Variants in R3HDM2 observed in about 807,000 individuals in gnomAD.
R3HDM2 encodes R3H domain containing 2.
Under a neutral mutation model 124.5 loss-of-function variants are expected in R3HDM2, and 38 were observed. The observed-to-expected ratio is 0.31, with a 90% confidence interval of 0.24 to 0.40. The LOEUF is 0.40. R3HDM2 is among the 10% of genes least tolerant of loss of function. R3HDM2 has a pLI of 1.00. For missense variants in R3HDM2, 869 were observed against 1,236.9 expected (o/e 0.70, Z 4.46); for synonymous variants, 391 against 448.0 (o/e 0.87, Z 1.61).
chr12:57,362,121 G>A (rs1451792754), intron 2 of R3HDM2, among the ~76,000 whole-genome samples: 1 of 152,064 alleles, frequency 6.6e-6, no homozygotes. Context: ...GACAGAATAA[G>A]ACCCTTTCTC....
chr12:57,399,876 G>A (rs190428654), intron 1 of R3HDM2, among the ~76,000 whole-genome samples: 12 of 152,258 alleles, frequency 7.9e-5, no homozygotes, highest in East Asian at 1.9e-4. Flanking sequence ...TGGGATGCCC[G>A]ATAAACTCAG....
chr12:57,273,834 C>T (rs2044109879), intron 14 of R3HDM2, among the ~76,000 whole-genome samples: 1 of 152,144 alleles, frequency 6.6e-6, no homozygotes, highest in Admixed American at 6.5e-5. Flanking sequence ...GAGTTTCTTT[C>T]ACAGAAGGGA....
intron 4 of R3HDM2, among the ~76,000 whole-genome samples, chr12:57,301,089 G>C (rs1566039726): frequency 6.6e-6 from 1 of 151,824 alleles, no homozygotes; most frequent in Non-Finnish European, 1.5e-5. Flanking sequence ...GGGCAACAGA[G>C]TGAGACCCTA....
At chr12:57,340,973 G>A (rs755647319) in intron 2 of R3HDM2, among the ~76,000 whole-genome samples, 12 of 151,548 alleles carry the variant, frequency 7.9e-5, no homozygotes, top group South Asian at 2.1e-4. Flanking sequence ...CTAAAGCTTC[G>A]CTTTAGCTAC....
At chr12:57,341,395 T>C in intron 2 of R3HDM2, 1 of 983,852 alleles carries the variant, frequency 1.0e-6, no homozygotes, top group Non-Finnish European at 1.2e-6. Context: ...CCGCTTCAGA[T>C]GGATTTTTCT....
rs566868060 is a variant in R3HDM2, at chr12:57,260,263, C to CAAAAAAAAAAAA, written c.2132-1216_2132-1205dup. Among the ~76,000 whole-genome samples, 47 of 31,562 alleles carry CAAAAAAAAAAAA rather than the reference C, an allele frequency of 1.5e-3. 9 individuals are homozygous for CAAAAAAAAAAAA. The highest frequency in any genetic ancestry group is 3.7e-3 in the African/African-American group (30 of 8,122). 20.7% of individuals were successfully genotyped at this position (31,562 alleles called of 152,430 possible). On this transcript the variant is annotated intron_variant, in intron 19 of 23. Coordinates refer to ENST00000402412, the MANE Select transcript of R3HDM2 (RefSeq NM_001394031.1). Reference sequence around the variant, plus strand: ...TGGGTGACAGAATGAGACCCTGCCTCAAAAAAAAAAAAAAAAAAAAAAGCC... The same window carrying CAAAAAAAAAAAA: ...TGGGTGACAGAATGAGACCCTGCCTCAAAAAAAAAAAAAAAAAAAAAAAAAAAAAAAAAAGCC...
chr12:57,277,353 GA>G (rs2045074526), intron 14 of R3HDM2, among the ~76,000 whole-genome samples: 1 of 152,102 alleles, frequency 6.6e-6, no homozygotes, highest in South Asian at 2.1e-4. Context: ...GCCAGGAAGG[GA>G]AAGATCATAG....
chr12:57,359,611 C>T (rs1018598012), intron 2 of R3HDM2, among the ~76,000 whole-genome samples: 7 of 152,072 alleles, frequency 4.6e-5, no homozygotes, highest in Non-Finnish European at 1.0e-4. Flanking sequence ...AGACAGCATG[C>T]GGCTGGGTCG....
In R3HDM2 at chr12:57,297,216, AGTAT is replaced by A. The variant is rs1428832766; in HGVS notation, c.560+108_560+111del. 6.5e-6 allele frequency: 4 copies of A among 612,086 alleles called. No individual in the cohort carries two copies. The African/African-American group carries it at 7.6e-5, about 12-fold the overall frequency. 37.9% of individuals were successfully genotyped at this position (612,086 alleles called of 1,614,324 possible). A position where few individuals can be genotyped will look rare whatever the true frequency, so the allele number is the denominator to read the frequency against. On this transcript the variant is annotated intron_variant, in intron 8 of 23. Transcript: ENST00000402412. ...ATCTACATAATAACTTAAAAACTTC[AGTAT>A]GTTTTCAAAAATCACACTTCAAGGG...
chr12:57,311,438 G>T (rs2053889862), intron 2 of R3HDM2, among the ~76,000 whole-genome samples: 1 of 151,986 alleles, frequency 6.6e-6, no homozygotes, highest in Non-Finnish European at 1.5e-5. Context: ...GTGTTAGCCA[G>T]GATGGTCTTG....
intron 2 of R3HDM2, among the ~76,000 whole-genome samples, chr12:57,364,984 C>T (rs1453509618): frequency 2.2e-5 from 3 of 135,858 alleles, no homozygotes; most frequent in Non-Finnish European, 4.7e-5. Flanking sequence ...GACACCAGGC[C>T]AGGTGCAGTT....
At chr12:57,257,839 C>G in intron 21 of R3HDM2, 151 bp downstream of exon 21, 1 of 800,380 alleles carries the variant, frequency 1.2e-6, no homozygotes, top group African/African-American at 1.7e-5. Context: ...GTGTCCAAGG[C>G]CTATACAGGG....
chr12:57,286,162 C>T (rs1235260415), intron 12 of R3HDM2, among the ~76,000 whole-genome samples: 1 of 152,216 alleles, frequency 6.6e-6, no homozygotes, highest in East Asian at 1.9e-4. Flanking sequence ...AAAGAGCAGT[C>T]ACACCTCATA....
intron 3 of R3HDM2, among the ~76,000 whole-genome samples, chr12:57,305,210 A>G (rs964389765): frequency 1.3e-5 from 2 of 152,092 alleles, no homozygotes; most frequent in African/African-American, 4.8e-5. Flanking sequence ...AAAAATAAAC[A>G]TATTATACAT....
At position 57,357,984 on chromosome 12, in the gene R3HDM2, CT is replaced by C. The variant is rs781730760; in HGVS notation, c.-36+37764del. ...TGTTATGTTACTCATTTCTTTTTTT[CT>C]TTTTTTTTTTTTAGACAGAGTTTCT... On this transcript the variant is annotated intron_variant, in intron 2 of 23. Coordinates refer to ENST00000402412, the MANE Select transcript of R3HDM2 (RefSeq NM_001394031.1). Among the ~76,000 whole-genome samples, 367 of 137,192 alleles carry C rather than the reference CT, an allele frequency of 2.7e-3. 1 individual carries two copies. The highest frequency in any genetic ancestry group is 5.6e-3 in the Admixed American group (76 of 13,586). 90.0% of individuals were successfully genotyped at this position (137,192 alleles called of 152,430 possible).
chr12:57,343,853 G>A (rs921231352), intron 2 of R3HDM2, among the ~76,000 whole-genome samples: 1 of 151,630 alleles, frequency 6.6e-6, no homozygotes, highest in African/African-American at 2.4e-5. Context: ...ATCCCGCAGG[G>A]CCAAATCGAC....
intron 2 of R3HDM2, among the ~76,000 whole-genome samples, chr12:57,383,703 AAAAC>A (rs755608157): frequency 3.3e-5 from 5 of 152,180 alleles, no homozygotes; most frequent in East Asian, 1.9e-4. Context: ...CTCCGTCTCA[AAAAC>A]AAACAAACAA....
chr12:57,305,179 C>T (rs753693582), intron 3 of R3HDM2, among the ~76,000 whole-genome samples: 13 of 151,508 alleles, frequency 8.6e-5, no homozygotes, highest in South Asian at 2.1e-4. Flanking sequence ...AGCAAGGCTC[C>T]GTTTCAAAAA....
rs1168127324 is a variant in R3HDM2, at chr12:57,348,693, C to CAAAAAAAA, written c.-35-38238_-35-38231dup. ...TGGGCGACAGAGCGAGACTCCGTCTCAAAAAAAAAAAAAAAAAAAAAAAAA... is the reference window on the plus strand; with the variant it reads ...TGGGCGACAGAGCGAGACTCCGTCTCAAAAAAAAAAAAAAAAAAAAAAAAAAAAAAAAA... On this transcript the variant is annotated intron_variant, in intron 2 of 23. Coordinates refer to ENST00000402412, the MANE Select transcript of R3HDM2 (RefSeq NM_001394031.1). Among the ~76,000 whole-genome samples the CAAAAAAAA allele has an allele frequency of 3.3e-3, 84 of 25,134 alleles. 3 individuals are homozygous for CAAAAAAAA. Among genetic ancestry groups the CAAAAAAAA allele is most frequent in the African/African-American group, 0.013 (76 of 6,066 alleles). The allele number at this position is 25,134 out of a possible 152,430, so 16.5% of individuals were successfully genotyped here. A position where few individuals can be genotyped will look rare whatever the true frequency, so the allele number is the denominator to read the frequency against.
Sources: allele counts gnomAD v4.1 joint callset (sites outside exome capture counted in the v4.1 genomes callset), GRCh38; gene constraint gnomAD v4.1.1; transcripts MANE v1.5; gene names NCBI Gene and HGNC (gene_info 2026-07-23, HGNC 2026-07-21).